The following MTMR1 variants were observed in gnomAD, a reference collection of about 807,000 sequenced individuals.
MTMR1 encodes phosphatidylinositol-3-phosphate phosphatase MTMR1.
MTMR1 carries 17 observed loss-of-function variants against 51.6 expected under a neutral mutation model. The observed-to-expected ratio is 0.33, with a 90% CI of 0.23 to 0.49. The LOEUF is 0.49. Among genes scored for constraint, MTMR1 ranks in the 20% least tolerant of loss-of-function variants. MTMR1 has a pLI of 0.99. For missense variants in MTMR1, 386 were observed against 526.9 expected (o/e 0.73, Z 2.62); for synonymous variants, 201 against 205.6 (o/e 0.98, Z 0.19).
At chrX:150,714,484 T>G (rs1267080422) in intron 3 of MTMR1, 1 of 980,750 alleles carries the variant, frequency 1.0e-6, no homozygotes, top group Non-Finnish European at 1.3e-6. Context: ...TGCAGGAGAT[T>G]CAGGAAGAAC....
At chrX:150,716,538 T>C (rs2041523242) in intron 3 of MTMR1, among the ~76,000 whole-genome samples, 1 of 112,928 alleles carries the variant, frequency 8.9e-6, no homozygotes, top group South Asian at 3.6e-4. Context: ...CAGTCTGGGC[T>C]AAAAATTTGA....
At chrX:150,748,613 C>T (rs2042638874) in intron 13 of MTMR1, among the ~76,000 whole-genome samples, 1 of 108,407 alleles carries the variant, frequency 9.2e-6, no homozygotes, top group South Asian at 4.0e-4. Flanking sequence ...AGATCAGGAG[C>T]TCAAGACCAG....
At position 150,718,609 on chromosome X, in the gene MTMR1, T is replaced by TCCAGGCTCTAAGGGA; in HGVS notation, c.277-16_277-15insCCAGGCTCTAAGGGA. ...CTTTTTTTTTTTTTTTTTTTTTTTT[T>TCCAGGCTCTAAGGGA]TTTTTTTTTTGCCAGGCTCTAAGGG... On this transcript the variant is annotated splice_polypyrimidine_tract_variant and intron_variant, in intron 3 of 15. Coordinates refer to ENST00000445323, the MANE Select transcript of MTMR1 (RefSeq NM_001306144.3). The TCCAGGCTCTAAGGGA allele has an allele frequency of 3.0e-6, 2 of 660,437 alleles. No individual in the cohort carries two copies. The highest frequency in any genetic ancestry group is 4.0e-6 in the Non-Finnish European group (2 of 495,799). 54.4% of individuals were successfully genotyped at this position (660,437 alleles called of 1,213,427 possible). A position where few individuals can be genotyped will look rare whatever the true frequency, so the allele number is the denominator to read the frequency against.
intron 3 of MTMR1, chrX:150,712,612 T>G (rs1557416256): frequency 2.8e-6 from 1 of 355,091 alleles, no homozygotes; most frequent in Admixed American, 5.4e-5. Flanking sequence ...CAGTGTGCAA[T>G]ACTGACTTTT....
At chrX:150,759,833 C>G (rs1258094730) in intron 15 of MTMR1, among the ~76,000 whole-genome samples, 1 of 109,475 alleles carries the variant, frequency 9.1e-6, no homozygotes, top group Non-Finnish European at 1.9e-5. Context: ...AGTTAACGCT[C>G]CCAGCAATTC....
chrX:150,754,841 C>T (rs782732173), intron 14 of MTMR1, among the ~76,000 whole-genome samples: 22 of 110,004 alleles, frequency 2.0e-4, no homozygotes, highest in Non-Finnish European at 3.8e-4. Flanking sequence ...CTGGGCAACA[C>T]AGTGAATCCC....
At position 150,755,777 on chromosome X, in the gene MTMR1, A is replaced by G. The variant is rs2042888880; in HGVS notation, c.1769A>G (p.Asn590Ser). ...AATCCCTTCTTTGTGAATTATGAAA[A>G]CCACGTGTTATATCCTGTTGCTAGT... ...FSNPFFVNYE[N>S]HVLYPVASLS... The change falls in exon 15 of 16, where the codon AAC becomes AGC. Residue 590 changes from asparagine (N) to serine (S), a missense_variant. Asn to Ser is a conservative substitution (Grantham distance 46). Transcript: ENST00000445323. 8.3e-7 allele frequency: 1 copy of G among 1,200,655 alleles called. No homozygotes were observed. Among genetic ancestry groups the G allele is most frequent in the Admixed American group, 2.2e-5 (1 of 44,918 alleles).
At chrX:150,754,951 G>A (rs922665269) in intron 14 of MTMR1, among the ~76,000 whole-genome samples, 2 of 107,627 alleles carry the variant, frequency 1.9e-5, no homozygotes, top group Admixed American at 1.0e-4. Context: ...GCTTGAACCC[G>A]GGAGGCAGAC....
intron 10 of MTMR1, chrX:150,735,615 CATT>C (rs1438342098): frequency 2.6e-6 from 1 of 379,350 alleles, no homozygotes; most frequent in Non-Finnish European, 4.5e-6. Context: ...CTCATCTCCA[CATT>C]ATGACCAGAG....
chrX:150,734,114 T>C (rs1672944992), intron 10 of MTMR1, among the ~76,000 whole-genome samples: 2 of 112,410 alleles, frequency 1.8e-5, no homozygotes, highest in Admixed American at 1.9e-4. Flanking sequence ...CCAGCCTTCC[T>C]GGGCTTGCAG....
chrX:150,720,736 T>C (rs1557416561), intron 4 of MTMR1, among the ~76,000 whole-genome samples: 1 of 112,407 alleles, frequency 8.9e-6, no homozygotes, highest in Non-Finnish European at 1.9e-5. Context: ...TATACATTTC[T>C]AGTAGCCGTA....
chrX:150,709,707 A>G (rs1569565643), intron 2 of MTMR1, among the ~76,000 whole-genome samples: 1 of 111,665 alleles, frequency 9.0e-6, no homozygotes, highest in Non-Finnish European at 1.9e-5. Flanking sequence ...ACATGGCCAG[A>G]GTGGGAGCAA....
chrX:150,722,268 C>G (rs979559831), intron 4 of MTMR1, among the ~76,000 whole-genome samples: 3 of 111,991 alleles, frequency 2.7e-5, no homozygotes, highest in African/African-American at 9.7e-5. Context: ...TTTTGTCGAT[C>G]TGTATTCTTA....
At chrX:150,760,931 CAAAAAA>C (rs56341623) in intron 15 of MTMR1, among the ~76,000 whole-genome samples, 3 of 74,792 alleles carry the variant, frequency 4.0e-5, no homozygotes, top group African/African-American at 1.4e-4. Context: ...CATTCCGCCT[CAAAAAA>C]AAAAAAAAAA....
At chrX:150,700,767 C>T (rs782145163) in intron 2 of MTMR1, among the ~76,000 whole-genome samples, 1 of 112,668 alleles carries the variant, frequency 8.9e-6, no homozygotes, top group South Asian at 3.6e-4. Flanking sequence ...GGGTGATTTT[C>T]TTTATGGACA....
intron 14 of MTMR1, among the ~76,000 whole-genome samples, chrX:150,755,012 TGAG>T (rs1239049178): frequency 1.2e-5 from 1 of 80,433 alleles, no homozygotes; most frequent in Non-Finnish European, 2.3e-5. Flanking sequence ...GGTGACAGAG[TGAG>T]ACTCCATCTC....
At chrX:150,719,671 C>T (rs782820950) in intron 4 of MTMR1, among the ~76,000 whole-genome samples, 2 of 111,939 alleles carry the variant, frequency 1.8e-5, no homozygotes, top group Admixed American at 9.4e-5. Flanking sequence ...ACAACACAGG[C>T]GTAAAATGTA....
chrX:150,732,668 G>A lies in MTMR1; in HGVS notation c.1018G>A (p.Ala340Thr). Residue 340 changes from alanine to threonine, a missense_variant, in exon 10 of 16, where the codon GCA (alanine) becomes ACA (threonine). By Grantham distance (58) the Ala-to-Thr change is moderately conservative. Transcript: ENST00000445323. Reference protein sequence around the residue: ...KYLQTIMDANAQSHKLIIFDA... With the variant: ...KYLQTIMDANTQSHKLIIFDA... ...CTTGCAAACAATAATGGATGCTAAC[G>A]CACAGTCACACAAGCTTATCATCTT... The A allele has an allele frequency of 2.5e-6, 3 of 1,210,651 alleles. No homozygotes were observed. The highest frequency in any genetic ancestry group is 3.4e-6 in the Non-Finnish European group (3 of 894,832).
intron 15 of MTMR1, among the ~76,000 whole-genome samples, chrX:150,760,294 G>C (rs184262116): frequency 0.015 from 1,435 of 97,980 alleles, 80 homozygotes; most frequent in Middle Eastern, 0.037. Flanking sequence ...AGGTGAGGCA[G>C]AGAGAAGGAG....
Sources: gnomAD v4.1 joint callset for allele counts (sites outside exome capture counted in the v4.1 genomes callset) on GRCh38, gnomAD v4.1.1 for gene constraint, MANE v1.5 for transcripts, NCBI Gene and HGNC (gene_info 2026-07-23, HGNC 2026-07-21) for gene names.